NR1H4: variants seen among roughly 807,000 people sequenced by gnomAD.
NR1H4 encodes the protein nuclear receptor subfamily 1 group H member 4, also known as bile acid receptor.
In NR1H4, 23 loss-of-function variants were observed where a neutral mutation model predicts 58.5. The observed-to-expected ratio is 0.39, with a 90% CI of 0.28 to 0.56. NR1H4 has a LOEUF of 0.56. Among genes scored for constraint, NR1H4 ranks in the 20% least tolerant of loss-of-function variants. NR1H4 has a pLI of 0.58. For missense variants in NR1H4, 487 were observed against 576.9 expected (o/e 0.84, Z 1.60); for synonymous variants, 214 against 198.0 (o/e 1.08, Z -0.68).
At position 100,499,218 on chromosome 12, in the gene NR1H4, G is replaced by T. The variant is rs370723793; in HGVS notation, c.79+5816G>T. Among the ~76,000 whole-genome samples, 7 of 152,318 alleles carry T rather than the reference G, an allele frequency of 4.6e-5. No homozygotes were observed. In the East Asian group the frequency reaches 7.7e-4, roughly 17 times the overall value. ...AGTTTGTAGAATATTTCTGACATTT[G>T]ATTTCAGGTATTTTTCCATCTCACT... On this transcript the variant is annotated intron_variant, in intron 3 of 10. Transcript: ENST00000392986.
intron 4 of NR1H4, among the ~76,000 whole-genome samples, chr12:100,512,666 A>G (rs7139076): frequency 0.99 from 150,651 of 152,210 alleles, 74,560 homozygotes; most frequent in Middle Eastern, 1. Flanking sequence ...ACAATGTAAA[A>G]TCCCATGTGA....
At chr12:100,501,401 C>T (rs1011817416) in intron 3 of NR1H4, among the ~76,000 whole-genome samples, 1 of 152,040 alleles carries the variant, frequency 6.6e-6, no homozygotes, top group Non-Finnish European at 1.5e-5. Context: ...GAAATATACC[C>T]ATAGACCACC....
Position 100,563,262 on chromosome 12 carries a change from A to G in NR1H4, c.1204A>G (p.Ile402Val), listed in dbSNP as rs1955514491. 1.2e-6 allele frequency: 2 copies of G among 1,612,550 alleles called. No homozygotes were observed. The highest frequency in any genetic ancestry group is 1.7e-6 in the Non-Finnish European group (2 of 1,178,518). ...IVILSPDRQY[I>V]KDREAVEKLQ... ...AAACTTCAAAACAGATAGACAATAC[A>G]TAAAGGATAGAGAGGCAGTAGAGAA... Residue 402 changes from isoleucine to valine, a missense_variant, in exon 11 of 11, where the codon ATA (isoleucine) becomes GTA (valine). Coordinates refer to ENST00000392986, the MANE Select transcript of NR1H4 (RefSeq NM_001206979.2).
At chr12:100,553,426 G>T (rs1955252277) in intron 9 of NR1H4, among the ~76,000 whole-genome samples, 1 of 152,140 alleles carries the variant, frequency 6.6e-6, no homozygotes, top group Admixed American at 6.5e-5. Flanking sequence ...TCTGTGACAG[G>T]GAAAGCTCCA....
chr12:100,483,021 G>A (rs1368919365), intron 1 of NR1H4, among the ~76,000 whole-genome samples: 1 of 152,166 alleles, frequency 6.6e-6, no homozygotes, highest in African/African-American at 2.4e-5. Flanking sequence ...TGCTTCCTGG[G>A]TTCAAGCAAT....
chr12:100,519,820 A>G (rs149607676), intron 4 of NR1H4, among the ~76,000 whole-genome samples: 86 of 152,202 alleles, frequency 5.7e-4, no homozygotes, highest in Admixed American at 7.2e-4. Context: ...GGTACCTAAC[A>G]TGTCTTAGCT....
intron 9 of NR1H4, among the ~76,000 whole-genome samples, chr12:100,546,688 C>CT (rs1456901863): frequency 2.0e-5 from 3 of 152,022 alleles, no homozygotes; most frequent in African/African-American, 7.2e-5. Flanking sequence ...GAGTGAGACT[C>CT]TGTCTCAAAA....
chr12:100,560,111 T>A (rs532128716), intron 9 of NR1H4, among the ~76,000 whole-genome samples: 1 of 152,160 alleles, frequency 6.6e-6, no homozygotes, highest in African/African-American at 2.4e-5. Flanking sequence ...AGAACCTGTG[T>A]GTGGAAACTC....
At chr12:100,537,989 C>T (rs1003030392) in intron 8 of NR1H4, among the ~76,000 whole-genome samples, 4 of 152,126 alleles carry the variant, frequency 2.6e-5, no homozygotes, top group African/African-American at 7.2e-5. Flanking sequence ...GGATTACAGG[C>T]GCAAGCCACC....
intron 3 of NR1H4, among the ~76,000 whole-genome samples, chr12:100,501,136 T>C (rs1045026129): frequency 1.3e-5 from 2 of 151,744 alleles, no homozygotes; most frequent in East Asian, 3.9e-4. Context: ...TCATTTCTTA[T>C]CTAGTATAGA....
At chr12:100,554,278 G>A (rs1012995655) in intron 9 of NR1H4, among the ~76,000 whole-genome samples, 2 of 152,130 alleles carry the variant, frequency 1.3e-5, no homozygotes. Flanking sequence ...TAAGGAAATA[G>A]TATCATTTTT....
At chr12:100,547,154 G>A (rs1955090182) in intron 9 of NR1H4, among the ~76,000 whole-genome samples, 1 of 152,128 alleles carries the variant, frequency 6.6e-6, no homozygotes, top group African/African-American at 2.4e-5. Context: ...GAGAAAAGGT[G>A]TCTTTCAAGA....
At chr12:100,475,754 G>T (rs1000210904) in intron 1 of NR1H4, among the ~76,000 whole-genome samples, 3 of 151,706 alleles carry the variant, frequency 2.0e-5, no homozygotes, top group Non-Finnish European at 4.4e-5. Context: ...TTATTTTTTT[G>T]AGACAAAGTC....
At chr12:100,548,297 G>C (rs1054765543) in intron 9 of NR1H4, among the ~76,000 whole-genome samples, 20 of 151,274 alleles carry the variant, frequency 1.3e-4, no homozygotes, top group African/African-American at 4.8e-4. Context: ...AACCCGGAAG[G>C]CGGAGGTTTC....
chr12:100,559,455 T>A (rs913121110), intron 9 of NR1H4, among the ~76,000 whole-genome samples: 2 of 152,162 alleles, frequency 1.3e-5, no homozygotes, highest in Non-Finnish European at 2.9e-5. Context: ...GGCGTGGGCT[T>A]GGCGGGCCCC....
At chr12:100,516,236 C>G (rs1000387223) in intron 4 of NR1H4, among the ~76,000 whole-genome samples, 2 of 152,178 alleles carry the variant, frequency 1.3e-5, no homozygotes, top group African/African-American at 4.8e-5. Flanking sequence ...AAAGCCTAAT[C>G]TAAGTCATGT....
At chr12:100,490,071 A>G (rs994558262) in intron 1 of NR1H4, among the ~76,000 whole-genome samples, 1 of 152,234 alleles carries the variant, frequency 6.6e-6, no homozygotes, top group Non-Finnish European at 1.5e-5. Context: ...AATAGGGCTT[A>G]TAACATTTCT....
chr12:100,556,483 A>AC (rs1205372901), intron 9 of NR1H4, among the ~76,000 whole-genome samples: 5 of 150,988 alleles, frequency 3.3e-5, no homozygotes, highest in African/African-American at 1.2e-4. Context: ...AAAAAAAAAC[A>AC]AAAAACAAAA....
At chr12:100,521,631 A>G (rs1954421213) in intron 4 of NR1H4, among the ~76,000 whole-genome samples, 2 of 152,138 alleles carry the variant, frequency 1.3e-5, no homozygotes, top group African/African-American at 2.4e-5. Flanking sequence ...TTCTGAATAT[A>G]TTTTTGTGTA....
Sources: gnomAD v4.1 joint callset for allele counts (sites outside exome capture counted in the v4.1 genomes callset) on GRCh38, gnomAD v4.1.1 for gene constraint, MANE v1.5 for transcripts, NCBI Gene and HGNC (gene_info 2026-07-23, HGNC 2026-07-21) for gene names.